Variants in SORCS3 observed in about 807,000 individuals in gnomAD.
SORCS3 encodes the protein sortilin related VPS10 domain containing receptor 3, also known as VPS10 domain-containing receptor SorCS3.
Under a neutral mutation model 146.3 loss-of-function variants are expected in SORCS3, and 57 were observed. The observed-to-expected ratio is 0.39, with a 90% CI of 0.31 to 0.49. The LOEUF (loss-of-function observed/expected upper bound fraction) is 0.49, where lower values mean the gene tolerates loss of function less well. SORCS3 is among the 20% of genes least tolerant of loss of function. SORCS3 has a pLI of 0.92. For synonymous variants in SORCS3, 653 were observed against 618.5 expected (o/e 1.06, Z -0.83); for missense variants, 1,341 against 1,575.5 (o/e 0.85, Z 2.52).
chr10:105,152,459 C>CA (rs2056174349), intron 9 of SORCS3, among the ~76,000 whole-genome samples: 1 of 152,086 alleles, frequency 6.6e-6, no homozygotes. Context: ...AATAAGTCTG[C>CA]AAAATCCTGG....
At chr10:104,789,246 G>T (rs1275077620) in intron 1 of SORCS3, among the ~76,000 whole-genome samples, 2 of 152,150 alleles carry the variant, frequency 1.3e-5, no homozygotes, top group African/African-American at 2.4e-5. Flanking sequence ...TTTCCAAGAG[G>T]TCCTGTCCTC....
intron 5 of SORCS3, 98 bp downstream of exon 5, chr10:105,043,226 A>G (rs1055965556): frequency 9.6e-7 from 1 of 1,045,116 alleles, no homozygotes; most frequent in African/African-American, 1.6e-5. Flanking sequence ...CTTGCAGACA[A>G]ATGTGTTCCA....
chr10:104,793,057 C>T (rs2133501446), intron 1 of SORCS3, among the ~76,000 whole-genome samples: 1 of 152,254 alleles, frequency 6.6e-6, no homozygotes, highest in East Asian at 1.9e-4. Context: ...CTGGGATAAG[C>T]ATTGTTATCT....
intron 2 of SORCS3, among the ~76,000 whole-genome samples, chr10:104,843,375 C>A (rs1015868282): frequency 6.6e-6 from 1 of 152,144 alleles, no homozygotes; most frequent in Non-Finnish European, 1.5e-5. Flanking sequence ...CTTCAGGGGC[C>A]CCTTGCCCCA....
intron 3 of SORCS3, among the ~76,000 whole-genome samples, chr10:104,931,771 C>G (rs1216016108): frequency 6.6e-6 from 1 of 152,150 alleles, no homozygotes; most frequent in East Asian, 1.9e-4. Flanking sequence ...TTTGCTTATG[C>G]AGGGACAGTA....
At chr10:105,178,343 A>G (rs2056421090) in intron 14 of SORCS3, among the ~76,000 whole-genome samples, 170 bp downstream of exon 14, 1 of 152,202 alleles carries the variant, frequency 6.6e-6, no homozygotes, top group Non-Finnish European at 1.5e-5. Flanking sequence ...ACAAACTCAA[A>G]AAGCTACTGC....
intron 3 of SORCS3, among the ~76,000 whole-genome samples, chr10:104,933,258 C>G (rs2019226254): frequency 6.6e-6 from 1 of 151,490 alleles, no homozygotes; most frequent in Admixed American, 6.6e-5. Flanking sequence ...AAAGTCCTTT[C>G]TATCTTGCTG....
chr10:105,173,326 C>A (rs1488191457), intron 13 of SORCS3, among the ~76,000 whole-genome samples: 4 of 151,906 alleles, frequency 2.6e-5, no homozygotes, highest in African/African-American at 9.7e-5. Context: ...CACAAAAAAA[C>A]AACAACAAAA....
chr10:105,190,378 T>G (rs2119591703), intron 14 of SORCS3, among the ~76,000 whole-genome samples: 1 of 152,348 alleles, frequency 6.6e-6, no homozygotes, highest in Admixed American at 6.5e-5. Flanking sequence ...CAGTGTTCAA[T>G]AATTTTTCAC....
chr10:104,852,097 C>G (rs780500951), intron 2 of SORCS3, among the ~76,000 whole-genome samples: 1 of 152,214 alleles, frequency 6.6e-6, no homozygotes, highest in African/African-American at 2.4e-5. Flanking sequence ...AAGATTCCCC[C>G]CTTCACTGCT....
chr10:104,675,385 C>T (rs2015901500), intron 1 of SORCS3, among the ~76,000 whole-genome samples: 1 of 152,126 alleles, frequency 6.6e-6, no homozygotes, highest in African/African-American at 2.4e-5. Flanking sequence ...TATCTTCTTA[C>T]AGTCTGTTCT....
At chr10:104,935,545 C>T (rs1298561208) in intron 3 of SORCS3, among the ~76,000 whole-genome samples, 1 of 152,158 alleles carries the variant, frequency 6.6e-6, no homozygotes, top group African/African-American at 2.4e-5. Flanking sequence ...AAAATTCATT[C>T]ATCCATCAAA....
At chr10:105,212,544 A>G (rs1271024395) in intron 17 of SORCS3, among the ~76,000 whole-genome samples, 1 of 152,244 alleles carries the variant, frequency 6.6e-6, no homozygotes, top group Non-Finnish European at 1.5e-5. Context: ...ATCATGTGAC[A>G]TGTGTAGGTA....
chr10:105,141,901 G>A (rs979931990), intron 8 of SORCS3, among the ~76,000 whole-genome samples: 1 of 152,174 alleles, frequency 6.6e-6, no homozygotes, highest in Admixed American at 6.5e-5. Flanking sequence ...CTGTGAAATG[G>A]GGTTAATATT....
At chr10:105,082,236 A>C (rs184729779) in intron 5 of SORCS3, among the ~76,000 whole-genome samples, 24 of 152,308 alleles carry the variant, frequency 1.6e-4, no homozygotes, top group Non-Finnish European at 3.1e-4. Flanking sequence ...ATGTACACTC[A>C]ATCTAGAGAG....
chr10:104,885,525 C>T (rs74666454), intron 2 of SORCS3, among the ~76,000 whole-genome samples: 9,139 of 152,034 alleles, frequency 0.06, 847 homozygotes, highest in African/African-American at 0.21. Context: ...TTGTTAGGAC[C>T]GGAACAGTGT....
chr10:105,212,209 G>T (rs1378512170), intron 17 of SORCS3, among the ~76,000 whole-genome samples: 1 of 152,164 alleles, frequency 6.6e-6, no homozygotes, highest in Non-Finnish European at 1.5e-5. Flanking sequence ...GTGCTGACTG[G>T]TCTGAGATAC....
intron 1 of SORCS3, among the ~76,000 whole-genome samples, chr10:104,656,079 T>C (rs1237406062): frequency 6.6e-6 from 1 of 152,128 alleles, no homozygotes; most frequent in East Asian, 1.9e-4. Flanking sequence ...AGTGCTCTGA[T>C]TGAGAGGTAC....
chr10:104,887,971 G>C lies in SORCS3; in HGVS notation c.696-27862G>C, dbSNP rs552427504. ...AACATGGTGGGGGCGGGGGGGCGGG[G>C]GCGGAGCAAGCCCATGAAGACAGCA... is the stretch of plus-strand genomic sequence containing the variant. On this transcript the variant is annotated intron_variant, in intron 2 of 26. Coordinates refer to ENST00000369701, the MANE Select transcript of SORCS3 (RefSeq NM_014978.3). 3.0e-3 allele frequency among the ~76,000 whole-genome samples: 251 copies of C among 83,084 alleles called. 30 individuals are homozygous for C. The highest frequency in any genetic ancestry group is 0.012 in the African/African-American group (217 of 18,180). 54.5% of individuals were successfully genotyped at this position (83,084 alleles called of 152,430 possible).
Sources: allele counts gnomAD v4.1 joint callset (sites outside exome capture counted in the v4.1 genomes callset), GRCh38; gene constraint gnomAD v4.1.1; transcripts MANE v1.5; gene names NCBI Gene and HGNC (gene_info 2026-07-23, HGNC 2026-07-21).